PCCA: variants seen among roughly 807,000 people sequenced by gnomAD.
PCCA encodes the protein propionyl-CoA carboxylase alpha chain, mitochondrial.
Under a neutral mutation model 101.3 loss-of-function variants are expected in PCCA, and 74 were observed. The ratio of observed to expected loss-of-function variants is 0.73; its 90% confidence interval spans 0.61 to 0.89. PCCA has a LOEUF of 0.89. Among genes scored for constraint, PCCA ranks in the 40% least tolerant of loss-of-function variants. PCCA has a pLI of 0.00. For missense variants in PCCA, 891 were observed against 907.0 expected (o/e 0.98, Z 0.23); for synonymous variants, 294 against 313.6 (o/e 0.94, Z 0.66).
intron 7 of PCCA, among the ~76,000 whole-genome samples, chr13:100,231,534 A>T (rs1015589826): frequency 2.0e-5 from 3 of 152,182 alleles, no homozygotes; most frequent in African/African-American, 7.2e-5. Flanking sequence ...GGGGACTCCT[A>T]GTTTGTTTTG....
At position 100,382,996 on chromosome 13, in the gene PCCA, C is replaced by G. The variant is rs376860208; in HGVS notation, c.1746+14422C>G. 1.1e-3 allele frequency among the ~76,000 whole-genome samples: 164 copies of G among 152,032 alleles called. 6 individuals carry two copies. The South Asian group carries it at 0.031, about 29-fold the overall frequency. On this transcript the variant is annotated intron_variant, in intron 19 of 23. Transcript: ENST00000376285. Reference sequence around the variant, plus strand: ...CTCTTGGGGGAGATGACTGATGAGTCACAGCTTAGAACATATTTTTTAGTA... The same window carrying G: ...CTCTTGGGGGAGATGACTGATGAGTGACAGCTTAGAACATATTTTTTAGTA...
intron 4 of PCCA, among the ~76,000 whole-genome samples, chr13:100,123,241 G>T (rs1254114540): frequency 1.4e-4 from 21 of 152,084 alleles, no homozygotes; most frequent in Admixed American, 1.2e-3. Context: ...TTTTAGTAGA[G>T]TTGGGGTTTC....
At chr13:100,331,469 T>C (rs923045382) in intron 17 of PCCA, among the ~76,000 whole-genome samples, 2 of 152,214 alleles carry the variant, frequency 1.3e-5, no homozygotes, top group African/African-American at 2.4e-5. Context: ...TTAGGAGCTA[T>C]ATATAGATTC....
At chr13:100,456,308 A>G (rs2081704215) in intron 21 of PCCA, among the ~76,000 whole-genome samples, 1 of 152,210 alleles carries the variant, frequency 6.6e-6, no homozygotes, top group African/African-American at 2.4e-5. Context: ...AATTAAGTAT[A>G]TGTCATTTGG....
At chr13:100,436,323 T>C (rs1478363801) in intron 20 of PCCA, among the ~76,000 whole-genome samples, 1 of 152,222 alleles carries the variant, frequency 6.6e-6, no homozygotes, top group African/African-American at 2.4e-5. Context: ...AAATGAAGAC[T>C]TGGCTGGCAA....
intron 6 of PCCA, among the ~76,000 whole-genome samples, chr13:100,206,317 A>G (rs2058849405): frequency 6.6e-6 from 1 of 152,008 alleles, no homozygotes; most frequent in Admixed American, 6.6e-5. Context: ...CCCAGGCTGG[A>G]GTGCAGTGGT....
chr13:100,444,364 C>T (rs1440889841), intron 20 of PCCA, among the ~76,000 whole-genome samples: 2 of 151,074 alleles, frequency 1.3e-5, no homozygotes, highest in East Asian at 3.9e-4. Flanking sequence ...CCACCACGCC[C>T]GGCTAATTTT....
At chr13:100,507,625 T>C (rs564093088) in intron 21 of PCCA, among the ~76,000 whole-genome samples, 1 of 152,298 alleles carries the variant, frequency 6.6e-6, no homozygotes, top group South Asian at 2.1e-4. Flanking sequence ...TCTCTGTTAT[T>C]GAGTGCTGGG....
At chr13:100,265,606 C>A (rs1474967472) in intron 10 of PCCA, among the ~76,000 whole-genome samples, 1 of 152,122 alleles carries the variant, frequency 6.6e-6, no homozygotes. Context: ...ACCTCCACTC[C>A]CACACACCCC....
chr13:100,227,261 GC>G (rs1279476812), intron 7 of PCCA, among the ~76,000 whole-genome samples: 3 of 152,186 alleles, frequency 2.0e-5, no homozygotes, highest in African/African-American at 7.2e-5. Context: ...ACAGGCAGGA[GC>G]CGTTGTGCCC....
chr13:100,201,883 A>AAAAAAAAC (rs2058530807), intron 6 of PCCA, among the ~76,000 whole-genome samples: 1 of 124,104 alleles, frequency 8.1e-6, no homozygotes, highest in Non-Finnish European at 1.7e-5. Flanking sequence ...AAAAAAAAAA[A>AAAAAAAAC]AAAAACCAAA....
intron 7 of PCCA, among the ~76,000 whole-genome samples, chr13:100,225,895 G>A (rs2060120629): frequency 6.6e-6 from 1 of 152,058 alleles, no homozygotes. Flanking sequence ...GGTTTCAAGT[G>A]ATTCTTGTGC....
At chr13:100,349,651 G>A (rs1314071415) in intron 18 of PCCA, among the ~76,000 whole-genome samples, 1 of 152,174 alleles carries the variant, frequency 6.6e-6, no homozygotes, top group Non-Finnish European at 1.5e-5. Flanking sequence ...ACTTCACTAT[G>A]GCCTATAATA....
At chr13:100,120,351 T>C (rs1243874974) in intron 4 of PCCA, among the ~76,000 whole-genome samples, 1 of 152,034 alleles carries the variant, frequency 6.6e-6, no homozygotes, top group Non-Finnish European at 1.5e-5. Flanking sequence ...GCTTCCTTTT[T>C]CTTTTTCATC....
At chr13:100,244,647 C>T (rs2061334475) in intron 8 of PCCA, among the ~76,000 whole-genome samples, 1 of 151,606 alleles carries the variant, frequency 6.6e-6, no homozygotes, top group Non-Finnish European at 1.5e-5. Flanking sequence ...GTGTGTGAAG[C>T]GTTTTGCTCT....
chr13:100,527,565 T>C (rs890863714), intron 22 of PCCA, 110 bp from the exon 23 acceptor site: 65 of 766,060 alleles, frequency 8.5e-5, no homozygotes, highest in South Asian at 6.1e-4. Context: ...CTGCTGTTCA[T>C]AGACACATAT....
At chr13:100,368,402 A>G (rs543000270) in intron 18 of PCCA, 70 bp from the exon 19 acceptor site, 25 of 882,516 alleles carry the variant, frequency 2.8e-5, no homozygotes, top group Non-Finnish European at 4.3e-5. Flanking sequence ...TTTTATATCA[A>G]AGGGAAATTA....
chr13:100,491,794 C>A, intron 21 of PCCA: 2 of 1,130,852 alleles, frequency 1.8e-6, no homozygotes, highest in East Asian at 7.4e-5. Flanking sequence ...TTTTAAATCT[C>A]CAATAAATGT....
In PCCA at chr13:100,394,832, C is replaced by A. The variant is rs898162376; in HGVS notation, c.1746+26258C>A. Among the ~76,000 whole-genome samples the A allele has an allele frequency of 3.3e-5, 5 of 152,116 alleles. No homozygotes were observed. The highest frequency in any genetic ancestry group is 7.4e-5 in the Non-Finnish European group (5 of 68,026). ...AAACCTTCACATTTCATTAGAATAGCTACTTCAATTTACTCTGAAAAAACT... is the reference window on the plus strand; with the variant it reads ...AAACCTTCACATTTCATTAGAATAGATACTTCAATTTACTCTGAAAAAACT... On this transcript the variant is annotated intron_variant, in intron 19 of 23. Transcript: ENST00000376285. This position sits in a 1 kb window ranked among gnomAD's most constrained non-coding sequence, Gnocchi z 4.3.
Sources: allele counts gnomAD v4.1 joint callset (sites outside exome capture counted in the v4.1 genomes callset), GRCh38; gene constraint gnomAD v4.1.1; non-coding constraint Gnocchi (gnomAD v3.1); transcripts MANE v1.5; gene names NCBI Gene and HGNC (gene_info 2026-07-23, HGNC 2026-07-21).